The following JAK2 variants were observed in gnomAD, a reference collection of about 807,000 sequenced individuals.
JAK2 encodes tyrosine-protein kinase JAK2.
A neutral mutation model predicts 139.3 loss-of-function variants in JAK2; 86 were observed. The observed-to-expected ratio is 0.62, with a 90% CI of 0.52 to 0.74. The LOEUF (loss-of-function observed/expected upper bound fraction) is 0.74. Ranked by LOEUF, JAK2 falls within the 30% of genes least tolerant of loss-of-function variation. JAK2 has a pLI of 0.00. For missense variants in JAK2, 1,421 were observed against 1,360.3 expected, an observed-to-expected ratio of 1.04 and a Z score of -0.70; for synonymous variants, 490 against 437.7, an observed-to-expected ratio of 1.12 and a Z score of -1.49.
At chr9:5,076,908 C>G (rs771438431) in intron 14 of JAK2, among the ~76,000 whole-genome samples, 1 of 151,858 alleles carries the variant, frequency 6.6e-6, no homozygotes, top group Non-Finnish European at 1.5e-5. Context: ...GAAGCCAACA[C>G]TTGTTTTTCT....
intron 22 of JAK2, chr9:5,097,086 C>G (rs930332245): frequency 1.3e-5 from 2 of 152,168 alleles, no homozygotes; most frequent in Admixed American, 6.5e-5. Context: ...ATGCAGGATC[C>G]TTTGTGGGTC....
intron 19 of JAK2, among the ~76,000 whole-genome samples, chr9:5,088,903 T>G (rs1034072): frequency 6.6e-6 from 1 of 152,118 alleles, no homozygotes; most frequent in South Asian, 2.1e-4. Context: ...TACAGTCATA[T>G]TGGGGGTTAA....
At chr9:5,065,093 A>T in intron 9 of JAK2, 53 bp downstream of exon 9, 1 of 1,244,414 alleles carries the variant, frequency 8.0e-7, no homozygotes, top group Non-Finnish European at 1.1e-6. Context: ...TGCTGTATTT[A>T]CAAAGAAGAT....
intron 22 of JAK2, among the ~76,000 whole-genome samples, chr9:5,102,382 C>T (rs940790598): frequency 3.9e-5 from 6 of 152,204 alleles, no homozygotes; most frequent in African/African-American, 1.2e-4. Flanking sequence ...ACAAGAAATA[C>T]AGGACTATGT....
chr9:5,113,252 A>G (rs1208117165), intron 22 of JAK2, among the ~76,000 whole-genome samples: 1 of 144,942 alleles, frequency 6.9e-6, no homozygotes, highest in Non-Finnish European at 1.5e-5. Flanking sequence ...AAGCAACAAA[A>G]CATACACTTT....
chr9:5,110,786 G>T, intron 22 of JAK2: 1 of 402,786 alleles, frequency 2.5e-6, no homozygotes, highest in Non-Finnish European at 4.8e-6. Context: ...GTAAGGGCCC[G>T]GGCCACGCGC....
intron 14 of JAK2, among the ~76,000 whole-genome samples, chr9:5,076,593 TATATGC>T (rs1819324046): frequency 6.6e-6 from 1 of 152,206 alleles, no homozygotes; most frequent in Non-Finnish European, 1.5e-5. Context: ...ATACAAGTTT[TATATGC>T]ATTGGGATAC....
intron 23 of JAK2, among the ~76,000 whole-genome samples, chr9:5,124,796 C>T (rs2130859361): frequency 6.6e-6 from 1 of 151,634 alleles, no homozygotes; most frequent in East Asian, 1.9e-4. Context: ...TCAACAAGAA[C>T]ATACATTCAA....
chr9:5,036,372 A>G (rs889307174), intron 4 of JAK2, among the ~76,000 whole-genome samples: 3 of 152,216 alleles, frequency 2.0e-5, no homozygotes, highest in Non-Finnish European at 4.4e-5. Context: ...ATTGGAAAAA[A>G]CTACTTTAAA....
intron 8 of JAK2, among the ~76,000 whole-genome samples, chr9:5,062,958 G>A (rs1353965657): frequency 6.6e-6 from 1 of 151,878 alleles, no homozygotes; most frequent in Admixed American, 6.6e-5. Flanking sequence ...TGTATGTTAG[G>A]TATATTCCTT....
intron 19 of JAK2, chr9:5,085,110 GGTT>G: frequency 3.1e-6 from 2 of 655,150 alleles, no homozygotes; most frequent in Non-Finnish European, 5.9e-6. Context: ...GGGCAAGGTA[GGTT>G]GTTTGTTTTA....
chr9:5,029,940 T>G, intron 4 of JAK2, 34 bp downstream of exon 4: 1 of 1,540,838 alleles, frequency 6.5e-7, no homozygotes, highest in Middle Eastern at 1.7e-4. Flanking sequence ...CACTTAATGC[T>G]AAAAGGCAAA....
At chr9:5,114,621 C>G (rs1822975421) in intron 22 of JAK2, 10 of 485,296 alleles carry the variant, frequency 2.1e-5, no homozygotes, top group South Asian at 1.6e-4. Flanking sequence ...GGTGCAGCTC[C>G]CGGACACTTG....
intron 4 of JAK2, among the ~76,000 whole-genome samples, chr9:5,031,078 G>C (rs1014277456): frequency 1.3e-5 from 2 of 152,006 alleles, no homozygotes; most frequent in Non-Finnish European, 2.9e-5. Context: ...GTTATTTGAA[G>C]AATATGAAGA....
At position 5,069,067 on chromosome 9, in the gene JAK2, G is replaced by A. The variant is rs1252513666; in HGVS notation, c.1372G>A (p.Glu458Lys). The A allele has an allele frequency of 3.1e-6, 5 of 1,603,152 alleles. No homozygotes were observed. Among genetic ancestry groups the A allele is most frequent in the African/African-American group, 2.7e-5 (2 of 74,276 alleles). ...EYKHCLITKN[E>K]NEEYNLSGTK... ...TAAACACTGTTTGATTACAAAAAATGAGAATGAAGAGTACAACCTCAGTGG... is the reference window on the plus strand; with the variant it reads ...TAAACACTGTTTGATTACAAAAAATAAGAATGAAGAGTACAACCTCAGTGG... Residue 458 changes from glutamate to lysine, a missense_variant, in exon 11 of 25, where the codon GAG becomes AAG. Glu to Lys is a moderately conservative substitution (Grantham distance 56). Coordinates refer to ENST00000381652, the MANE Select transcript of JAK2 (RefSeq NM_004972.4).
chr9:5,042,857 G>T (rs1363162957), intron 4 of JAK2, among the ~76,000 whole-genome samples: 1 of 152,230 alleles, frequency 6.6e-6, no homozygotes, highest in South Asian at 2.1e-4. Flanking sequence ...ACCAAAGCTC[G>T]GTCGCCACAG....
At chr9:5,107,991 C>A (rs1822111661) in intron 22 of JAK2, 1 of 152,164 alleles carries the variant, frequency 6.6e-6, no homozygotes, top group African/African-American at 2.4e-5. Context: ...ATTCTATAAT[C>A]TGAATTAACA....
chr9:5,007,793 C>G (rs1821408444), intron 2 of JAK2, among the ~76,000 whole-genome samples: 1 of 151,468 alleles, frequency 6.6e-6, no homozygotes, highest in African/African-American at 2.4e-5. Flanking sequence ...GATATCTGAG[C>G]CTTGGCTCAC....
chr9:5,114,172 C>G (rs1364106756), intron 22 of JAK2: 1 of 429,122 alleles, frequency 2.3e-6, no homozygotes, highest in Non-Finnish European at 4.6e-6. Context: ...TGTGCAGATT[C>G]TAACCCGCAA....
Sources: allele counts gnomAD v4.1 joint callset (sites outside exome capture counted in the v4.1 genomes callset), GRCh38; gene constraint gnomAD v4.1.1; transcripts MANE v1.5; gene names NCBI Gene and HGNC (gene_info 2026-07-23, HGNC 2026-07-21).